Variants in PCDHGA2 observed in about 807,000 individuals in gnomAD.
PCDHGA2 encodes protocadherin gamma subfamily A, 2, also known as protocadherin gamma-A2.
In PCDHGA2, 40 loss-of-function variants were observed where a neutral mutation model predicts 59.2. The observed-to-expected ratio is 0.68, with a 90% CI of 0.52 to 0.88. The LOEUF (loss-of-function observed/expected upper bound fraction) is 0.88. PCDHGA2 is among the 40% of genes least tolerant of loss of function. PCDHGA2 has a pLI of 0.00. For missense variants in PCDHGA2, 1,226 were observed against 1,204.0 expected, an observed-to-expected ratio of 1.02 and a Z score of -0.27; for synonymous variants, 560 against 526.0, an observed-to-expected ratio of 1.06 and a Z score of -0.89.
rs201968743 is a variant in PCDHGA2, at chr5:141,490,095, A to G, written c.2425-4712A>G. On this transcript the variant is annotated intron_variant, in intron 1 of 3. Coordinates refer to ENST00000394576, the MANE Select transcript of PCDHGA2 (RefSeq NM_018915.4). The surrounding 1 kb of genome is among the most constrained non-coding windows in gnomAD (Gnocchi z 5.4). ...TAGACTATTCTTTTGGAGACCACAC[A>G]TCTGAGGCAGTGCGGAACCTCTTTG... 2.4e-4 allele frequency: 394 copies of G among 1,614,156 alleles called. No individual in the cohort carries two copies. The highest frequency in any genetic ancestry group is 3.1e-4 in the Non-Finnish European group (363 of 1,180,054).
chr5:141,403,210 C>A (rs369033480), intron 1 of PCDHGA2: 2 of 1,613,828 alleles, frequency 1.2e-6, no homozygotes, highest in African/African-American at 2.7e-5. Context: ...CCTTGGTCAC[C>A]GCGGGTAGGA....
chr5:141,470,022 G>A (rs892106953), intron 1 of PCDHGA2, among the ~76,000 whole-genome samples: 2 of 152,188 alleles, frequency 1.3e-5, no homozygotes, highest in African/African-American at 2.4e-5. Context: ...CCAGCTACTC[G>A]GGATGCTGAG....
rs1421124374 is a variant in PCDHGA2, at chr5:141,431,186, A to G, written c.2425-63621A>G. The G allele has an allele frequency of 1.9e-6, 3 of 1,614,110 alleles. No individual in the cohort carries two copies. ...TGAAAGTGAATTAGAAATAAAAATT[A>G]GTGAAAATGCAGCCACTGAGATGCG... On this transcript the variant is annotated intron_variant, in intron 1 of 3. Transcript: ENST00000394576. This position sits in a 1 kb window ranked among gnomAD's most constrained non-coding sequence, Gnocchi z 4.8.
In PCDHGA2 at chr5:141,375,962, C is replaced by A. The variant is rs763635174; in HGVS notation, c.2424+34567C>A. 4 of 1,613,344 alleles carry A rather than the reference C, an allele frequency of 2.5e-6. No homozygotes were observed. The South Asian group carries it at 3.3e-5, about 13-fold the overall frequency. On this transcript the variant is annotated intron_variant, in intron 1 of 3. Coordinates refer to ENST00000394576, the MANE Select transcript of PCDHGA2 (RefSeq NM_018915.4). Reference sequence around the variant, plus strand: ...AGTGGGCCTGCACACGGGCGAGGTGCGCACGGCGCGCGCCCTGCTGGACAG... The same window carrying A: ...AGTGGGCCTGCACACGGGCGAGGTGAGCACGGCGCGCGCCCTGCTGGACAG...
intron 1 of PCDHGA2, among the ~76,000 whole-genome samples, chr5:141,446,868 C>T (rs980547855): frequency 6.6e-6 from 1 of 152,160 alleles, no homozygotes; most frequent in Non-Finnish European, 1.5e-5. Flanking sequence ...TAGCTCTACA[C>T]TGGTATGTTT....
In PCDHGA2 at chr5:141,356,956, T is replaced by C; in HGVS notation, c.2424+15561T>C. 6 of 1,614,202 alleles carry C rather than the reference T, an allele frequency of 3.7e-6. No homozygotes were observed. The African/African-American group carries it at 4.0e-5, about 11-fold the overall frequency. Reference sequence around the variant, plus strand: ...GGCACCCCGCTCCGCAGATTCCGGCTACCTGGTGACCAAAGTGGTGGCAGT... The same window carrying C: ...GGCACCCCGCTCCGCAGATTCCGGCCACCTGGTGACCAAAGTGGTGGCAGT... On this transcript the variant is annotated intron_variant, in intron 1 of 3. Transcript: ENST00000394576.
At chr5:141,418,305 G>T in intron 1 of PCDHGA2, 1 of 1,614,026 alleles carries the variant, frequency 6.2e-7, no homozygotes, top group South Asian at 1.1e-5. Context: ...GTCAGCCTGG[G>T]GATGGGAACA....
At position 141,491,201 on chromosome 5, in the gene PCDHGA2, C is replaced by T. The variant is rs752813291; in HGVS notation, c.2425-3606C>T. The T allele has an allele frequency of 3.7e-6, 6 of 1,614,226 alleles. No homozygotes were observed. The Admixed American group carries it at 5.0e-5, about 13-fold the overall frequency. On this transcript the variant is annotated intron_variant, in intron 1 of 3. Transcript: ENST00000394576. This position sits in a 1 kb window ranked among gnomAD's most constrained non-coding sequence, Gnocchi z 6.9. ...GTCCTGGTGAGGGACAATGGTGACCCTTCACTCTCCTCCACAGCCACAGTG... is the reference window on the plus strand; with the variant it reads ...GTCCTGGTGAGGGACAATGGTGACCTTTCACTCTCCTCCACAGCCACAGTG...
At chr5:141,388,612 G>T in intron 1 of PCDHGA2, 1 of 1,613,954 alleles carries the variant, frequency 6.2e-7, no homozygotes, top group Non-Finnish European at 8.5e-7. Flanking sequence ...CCAGTGTTCA[G>T]TCAAGACGTA....
chr5:141,424,026 C>G, intron 1 of PCDHGA2: 1 of 1,041,918 alleles, frequency 9.6e-7, no homozygotes, highest in Non-Finnish European at 1.2e-6. Context: ...TTCACAAACA[C>G]TTTTTATTTC....
chr5:141,374,652 A>G, intron 1 of PCDHGA2: 1 of 1,612,302 alleles, frequency 6.2e-7, no homozygotes, highest in Non-Finnish European at 8.5e-7. Context: ...CATGGGCCCA[A>G]GTACCCGGAG....
Position 141,491,190 on chromosome 5 carries a change from C to A in PCDHGA2, c.2425-3617C>A, listed in dbSNP as rs759736855. On this transcript the variant is annotated intron_variant, in intron 1 of 3. Transcript: ENST00000394576. The surrounding 1 kb of genome is among the most constrained non-coding windows in gnomAD (Gnocchi z 6.9). ...AGCAGGTGGTGGTCCTGGTGAGGGA[C>A]AATGGTGACCCTTCACTCTCCTCCA... 1 of 1,614,192 alleles carries A rather than the reference C, an allele frequency of 6.2e-7. No homozygotes were observed. The highest frequency in any genetic ancestry group is 1.1e-5 in the South Asian group (1 of 91,082).
At chr5:141,381,850 G>T (rs1777668389) in intron 1 of PCDHGA2, among the ~76,000 whole-genome samples, 3 of 33,314 alleles carry the variant, frequency 9.0e-5, no homozygotes, top group Non-Finnish European at 5.3e-5. Flanking sequence ...TTTTTTTTTG[G>T]CAGAGTTTTG....
intron 1 of PCDHGA2, chr5:141,430,556 C>A (rs1479639096): frequency 9.7e-6 from 4 of 413,394 alleles, no homozygotes; most frequent in African/African-American, 2.1e-5. Flanking sequence ...GTTCACCAAT[C>A]GGGGAGAGAA....
rs747722740 is a variant in PCDHGA2, at chr5:141,485,835, C to G, written c.2425-8972C>G. 3 of 1,614,190 alleles carry G rather than the reference C, an allele frequency of 1.9e-6. No homozygotes were observed. In the South Asian group the frequency reaches 3.3e-5, roughly 18 times the overall value. On this transcript the variant is annotated intron_variant, in intron 1 of 3. Transcript: ENST00000394576. This position sits in a 1 kb window ranked among gnomAD's most constrained non-coding sequence, Gnocchi z 5.7. ...ACTGCTGTCGATGGAGGGAACCCGC[C>G]GAGATCTGGCACCGCAGAGCTCCGG...
intron 1 of PCDHGA2, chr5:141,419,610 C>G: frequency 1.9e-6 from 3 of 1,612,130 alleles, no homozygotes; most frequent in Middle Eastern, 1.8e-4. Flanking sequence ...GCCGCGCAGC[C>G]AGGCTACCTG....
intron 1 of PCDHGA2, chr5:141,423,720 A>T: frequency 3.1e-6 from 3 of 957,770 alleles, no homozygotes; most frequent in Admixed American, 5.5e-5. Context: ...TTTTAAGGAG[A>T]TGTTTTTTGA....
intron 1 of PCDHGA2, chr5:141,390,007 C>G (rs778827419): frequency 1.9e-6 from 3 of 1,614,058 alleles, no homozygotes; most frequent in South Asian, 2.2e-5. Context: ...ATGATTCTGG[C>G]CATTGCCTTG....
chr5:141,389,487 C>T (rs997165354), intron 1 of PCDHGA2: 2 of 1,612,906 alleles, frequency 1.2e-6, no homozygotes, highest in African/African-American at 1.3e-5. Context: ...GGCCCGCGAC[C>T]AGGGCTCGCC....
Sources: gnomAD v4.1 joint callset for allele counts (sites outside exome capture counted in the v4.1 genomes callset) on GRCh38, gnomAD v4.1.1 for gene constraint, Gnocchi (gnomAD v3.1) non-coding constraint, MANE v1.5 for transcripts, NCBI Gene and HGNC (gene_info 2026-07-23, HGNC 2026-07-21) for gene names.